TTC7A: variants seen among roughly 807,000 people sequenced by gnomAD.
TTC7A encodes the protein tetratricopeptide repeat protein 7A.
TTC7A carries 110 observed loss-of-function variants against 103.7 expected under a neutral mutation model. That is an observed-to-expected ratio of 1.06 (90% CI 0.91 to 1.24). The LOEUF is 1.24. TTC7A is among the 50% of genes most tolerant of loss of function. The pLI, the probability that TTC7A is intolerant of heterozygous loss-of-function variation, is 0.00. For missense variants in TTC7A, 1,340 were observed against 1,116.3 expected, an observed-to-expected ratio of 1.20 and a Z score of -2.86; for synonymous variants, 521 against 467.9, an observed-to-expected ratio of 1.11 and a Z score of -1.47.
At chr2:46,978,646 G>A (rs942370641) in intron 4 of TTC7A, 146 bp from the exon 5 acceptor site, 11 of 560,314 alleles carry the variant, frequency 2.0e-5, no homozygotes, top group Non-Finnish European at 2.9e-5. Context: ...GAGTTAAAGC[G>A]AGTTAGATCA....
intron 10 of TTC7A, among the ~76,000 whole-genome samples, chr2:47,008,903 CAA>C (rs774395318): frequency 1.4e-4 from 17 of 118,818 alleles, no homozygotes; most frequent in Non-Finnish European, 1.5e-4. Context: ...ACCAGCATGA[CAA>C]AAAAAAAAAA....
At position 47,060,656 on chromosome 2, in the gene TTC7A, G is replaced by A. The variant is rs1314618472; in HGVS notation, c.2153-113G>A. 14 of 938,936 alleles carry A rather than the reference G, an allele frequency of 1.5e-5. No homozygotes were observed. In the South Asian group the frequency reaches 1.9e-4, roughly 13 times the overall value. The allele number at this position is 938,936 out of a possible 1,614,324, so 58.2% of individuals were successfully genotyped here. On this transcript the variant is annotated intron_variant, in intron 18 of 19. Transcript: ENST00000319190. The stretch of plus-strand genomic sequence containing the variant: ...TGTGTCCCATGCTGTGATTTGGTGG[G>A]ATAGAGTTTGTCACCTAAGACTAGT...
rs1406145118 is a variant in TTC7A, at chr2:46,941,485, C to A, written c.-57C>A. ...CGAGTGCGCCCCAGCCAGGACGCCG[C>A]CCCCGGCCGGGTCTCCACTTCTTGG... On this transcript the variant is annotated 5_prime_UTR_variant, in exon 1 of 20. Coordinates refer to ENST00000319190, the MANE Select transcript of TTC7A (RefSeq NM_020458.4). The surrounding 1 kb of genome is among the most constrained non-coding windows in gnomAD (Gnocchi z 4.2). 6.6e-7 allele frequency: 1 copy of A among 1,521,088 alleles called. No homozygotes were observed. The highest frequency in any genetic ancestry group is 1.2e-5 in the South Asian group (1 of 81,410). The allele number at this position is 1,521,088 out of a possible 1,614,324, so 94.2% of individuals were successfully genotyped here.
Position 47,059,009 on chromosome 2 carries a change from C to CTTTTTTTTTTTTTTT in TTC7A, c.2153-1744_2153-1730dup, listed in dbSNP as rs35753980. Among the ~76,000 whole-genome samples the CTTTTTTTTTTTTTTT allele has an allele frequency of 3.6e-4, 16 of 44,720 alleles. 4 individuals carry two copies. The highest frequency in any genetic ancestry group is 1.7e-3 in the African/African-American group (14 of 8,320). 29.3% of individuals were successfully genotyped at this position (44,720 alleles called of 152,430 possible). A position where few individuals can be genotyped will look rare whatever the true frequency, so the allele number is the denominator to read the frequency against. On this transcript the variant is annotated intron_variant, in intron 18 of 19. Transcript: ENST00000319190. ...GTGGGGTCCTCACCTCCTAAGCCTG[C>CTTTTTTTTTTTTTTT]TTTTTTTTTTTTTTTTTTTTTTTTT...
At chr2:46,984,649 G>C (rs1674820863) in intron 5 of TTC7A, among the ~76,000 whole-genome samples, 1 of 152,212 alleles carries the variant, frequency 6.6e-6, no homozygotes, top group Non-Finnish European at 1.5e-5. Context: ...AGGAGGGAAA[G>C]AGGGAGAGAG....
At chr2:47,043,094 C>G (rs879554878) in intron 15 of TTC7A, among the ~76,000 whole-genome samples, 11 of 152,222 alleles carry the variant, frequency 7.2e-5, no homozygotes, top group Admixed American at 6.5e-4. Flanking sequence ...AAGAAATGGG[C>G]TAAGCATTGA....
chr2:47,073,622 G>T (rs1684963427), intron 19 of TTC7A, 80 bp from the exon 20 acceptor site: 4 of 1,227,416 alleles, frequency 3.3e-6, no homozygotes, highest in Middle Eastern at 2.0e-4. Flanking sequence ...TGCCACCCGT[G>T]CACCTGTGCT....
At chr2:47,063,035 A>G (rs1215213526) in intron 19 of TTC7A, among the ~76,000 whole-genome samples, 2 of 152,262 alleles carry the variant, frequency 1.3e-5, no homozygotes, top group Non-Finnish European at 2.9e-5. Context: ...AGCCTGGGGA[A>G]GATTTGCTAA....
intron 15 of TTC7A, among the ~76,000 whole-genome samples, chr2:47,039,088 G>A (rs926446633): frequency 2.6e-5 from 4 of 152,098 alleles, no homozygotes; most frequent in African/African-American, 9.7e-5. Context: ...ACCCTCCTGG[G>A]CAGTACCATG....
intron 17 of TTC7A, among the ~76,000 whole-genome samples, chr2:47,051,002 T>A (rs1257970080): frequency 1.3e-5 from 2 of 152,200 alleles, no homozygotes; most frequent in East Asian, 3.8e-4. Context: ...TGTCAACAGC[T>A]TATATGTCCT....
chr2:47,072,714 G>C (rs924852016), intron 19 of TTC7A, among the ~76,000 whole-genome samples: 28 of 152,136 alleles, frequency 1.8e-4, no homozygotes, highest in African/African-American at 6.0e-4. Context: ...CAAGAGAAGG[G>C]CCCCCCGTGC....
At chr2:46,931,787 C>A (rs1442697113) in intron 2 of TTC7A, among the ~76,000 whole-genome samples, 3 of 152,164 alleles carry the variant, frequency 2.0e-5, no homozygotes, top group African/African-American at 7.2e-5. Context: ...GCTCTGCCAA[C>A]ACCTTGATTT....
At chr2:47,003,718 C>G (rs1677084187) in intron 8 of TTC7A, among the ~76,000 whole-genome samples, 1 of 152,310 alleles carries the variant, frequency 6.6e-6, no homozygotes, top group African/African-American at 2.4e-5. Context: ...AGGTCAGCCT[C>G]CACTCGGGGA....
At chr2:46,961,121 A>G (rs965529948) in intron 3 of TTC7A, among the ~76,000 whole-genome samples, 14 of 152,178 alleles carry the variant, frequency 9.2e-5, no homozygotes, top group Admixed American at 7.2e-4. Context: ...CCGCCAGCCT[A>G]CGGACCCCTG....
chr2:47,073,449 TC>T (rs1263248719), intron 19 of TTC7A, among the ~76,000 whole-genome samples: 1 of 152,164 alleles, frequency 6.6e-6, no homozygotes. Flanking sequence ...GAAAGCCAGT[TC>T]CTCGGGACCG....
chr2:46,956,146 G>A (rs965407516), intron 2 of TTC7A, among the ~76,000 whole-genome samples: 14 of 152,256 alleles, frequency 9.2e-5, no homozygotes, highest in African/African-American at 3.4e-4. Flanking sequence ...GGCCCTGAGA[G>A]TTCCTCTGTG....
chr2:46,959,353 A>C (rs541350921), intron 3 of TTC7A, among the ~76,000 whole-genome samples: 2 of 152,090 alleles, frequency 1.3e-5, no homozygotes, highest in Non-Finnish European at 2.9e-5. Flanking sequence ...TTGGCAGACT[A>C]TTAGGCCATG....
chr2:46,988,052 C>T (rs772363892), intron 5 of TTC7A, among the ~76,000 whole-genome samples: 3 of 152,078 alleles, frequency 2.0e-5, no homozygotes, highest in Non-Finnish European at 2.9e-5. Flanking sequence ...CCACAGTCAC[C>T]GAACAGCGAA....
chr2:46,980,691 A>G (rs1674359910), intron 5 of TTC7A, among the ~76,000 whole-genome samples: 1 of 152,140 alleles, frequency 6.6e-6, no homozygotes, highest in African/African-American at 2.4e-5. Context: ...GGAGTCTGGG[A>G]GGGGCACAGA....
Sources: gnomAD v4.1 joint callset for allele counts (sites outside exome capture counted in the v4.1 genomes callset) on GRCh38, gnomAD v4.1.1 for gene constraint, Gnocchi (gnomAD v3.1) non-coding constraint, MANE v1.5 for transcripts, NCBI Gene and HGNC (gene_info 2026-07-23, HGNC 2026-07-21) for gene names.